SPANXN2: variants seen among roughly 807,000 people sequenced by gnomAD.
SPANXN2 encodes the protein SPANX family member N2.
A neutral mutation model predicts 2.0 loss-of-function variants in SPANXN2; 1 was observed. That is an observed-to-expected ratio of 0.50 (90% CI 0.18 to 2.36). SPANXN2 has a LOEUF of 2.36. Among genes scored for constraint, SPANXN2 ranks in the 30% most tolerant of loss-of-function variants. The pLI is 0.26. For missense variants in SPANXN2, 88 were observed against 116.7 expected, an observed-to-expected ratio of 0.75 and a Z score of 1.13; for synonymous variants, 43 against 49.8, an observed-to-expected ratio of 0.86 and a Z score of 0.58.
At chrX:143,717,992 T>C (rs1932298119) in intron 1 of SPANXN2, among the ~76,000 whole-genome samples, 1 of 111,943 alleles carries the variant, frequency 8.9e-6, no homozygotes, top group Non-Finnish European at 1.9e-5. Flanking sequence ...CCCTCTTGCA[T>C]CCAGTCAGAC....
chrX:143,720,056 A>G (rs1932336616), intron 1 of SPANXN2, among the ~76,000 whole-genome samples: 1 of 110,923 alleles, frequency 9.0e-6, no homozygotes, highest in African/African-American at 3.3e-5. Context: ...AACCCTGATT[A>G]CAGCTCCCCT....
At chrX:143,713,280 T>C (rs1328204006) in intron 1 of SPANXN2, among the ~76,000 whole-genome samples, 2 of 111,459 alleles carry the variant, frequency 1.8e-5, no homozygotes, top group African/African-American at 3.3e-5. Flanking sequence ...ATTCTCCTTA[T>C]TCTCTAGTCT....
Position 143,714,034 on chromosome X carries a change from ACACC to A in SPANXN2, c.79-1539_79-1536del, listed in dbSNP as rs1316004349. On this transcript the variant is annotated intron_variant, in intron 1 of 1. Coordinates refer to ENST00000598475, the Ensembl canonical transcript of SPANXN2. ...TCCTCTGAATTTCAACCTGGCCAAC[ACACC>A]CGTTCTTCAGCCTCCTGCCCTCTCC... 6.5e-5 allele frequency among the ~76,000 whole-genome samples: 7 copies of A among 107,799 alleles called. No homozygotes were observed. The Admixed American group carries it at 7.0e-4, about 11-fold the overall frequency. The allele number at this position is 107,799 out of a possible 115,157, so 93.6% of individuals were successfully genotyped here. A position where few individuals can be genotyped will look rare whatever the true frequency, so the allele number is the denominator to read the frequency against.
intron 1 of SPANXN2, 68 bp from the exon 2 acceptor site, chrX:143,712,567 A>G (rs1932184997): frequency 2.0e-6 from 2 of 1,017,877 alleles, no homozygotes; most frequent in African/African-American, 3.8e-5. Flanking sequence ...ACTGGATAGC[A>G]AGGGGGGCTT....
chrX:143,717,758 G>A (rs1467814487), intron 1 of SPANXN2, among the ~76,000 whole-genome samples: 1 of 111,818 alleles, frequency 8.9e-6, no homozygotes. Flanking sequence ...CCCTCAGGAA[G>A]CTATCAAACC....
At chrX:143,717,133 C>T (rs782812956) in intron 1 of SPANXN2, among the ~76,000 whole-genome samples, 1 of 112,278 alleles carries the variant, frequency 8.9e-6, no homozygotes, top group Non-Finnish European at 1.9e-5. Context: ...GCTCTCACAC[C>T]CCATGCTACC....
chrX:143,711,983 A>G (rs1214344680), exon 2 of SPANXN2: 15 of 1,207,727 alleles, frequency 1.2e-5, no homozygotes, highest in Non-Finnish European at 1.1e-5. Flanking sequence ...TTTTATTGTA[A>G]TCATCGCCAT....
intron 1 of SPANXN2, among the ~76,000 whole-genome samples, chrX:143,713,679 C>A (rs782773557): frequency 9.0e-6 from 1 of 111,307 alleles, no homozygotes; most frequent in African/African-American, 3.3e-5. Flanking sequence ...ATGGGGTATT[C>A]ACTTCTCTCT....
At chrX:143,718,667 T>C (rs1182745438) in intron 1 of SPANXN2, among the ~76,000 whole-genome samples, 1 of 111,765 alleles carries the variant, frequency 8.9e-6, no homozygotes, top group Non-Finnish European at 1.9e-5. Context: ...AACACCTTAG[T>C]CCATAACACT....
chrX:143,714,040 G>A (rs1353059706), intron 1 of SPANXN2, among the ~76,000 whole-genome samples: 2 of 108,205 alleles, frequency 1.8e-5, no homozygotes, highest in Admixed American at 2.0e-4. Flanking sequence ...CAACACACCC[G>A]TTCTTCAGCC....
At chrX:143,718,596 C>T (rs1556450315) in intron 1 of SPANXN2, among the ~76,000 whole-genome samples, 1 of 111,980 alleles carries the variant, frequency 8.9e-6, no homozygotes, top group Admixed American at 9.4e-5. Flanking sequence ...AAATTATTCT[C>T]CTTCCCTGAC....
intron 1 of SPANXN2, among the ~76,000 whole-genome samples, chrX:143,717,055 CTT>C (rs782685766): frequency 4.5e-5 from 5 of 112,271 alleles, no homozygotes; most frequent in African/African-American, 6.5e-5. Context: ...AATGGAACCT[CTT>C]TTAGGCAGCC....
Position 143,716,079 on chromosome X carries a change from C to G in SPANXN2, c.79-3580G>C, listed in dbSNP as rs1932257686. Among the ~76,000 whole-genome samples the G allele has an allele frequency of 2.7e-5, 3 of 111,106 alleles. No homozygotes were observed. In the Admixed American group the frequency reaches 2.9e-4, roughly 11 times the overall value. On this transcript the variant is annotated intron_variant, in intron 1 of 1. Transcript: ENST00000598475. ...TAGGCCCCACCTGTTCAGACAGGCCCTCATCAAGGACCTAGCTGAACTTCC... is the reference window on the plus strand; with the variant it reads ...TAGGCCCCACCTGTTCAGACAGGCCGTCATCAAGGACCTAGCTGAACTTCC...
intron 1 of SPANXN2, among the ~76,000 whole-genome samples, chrX:143,718,409 C>G (rs781860608): frequency 4.5e-5 from 5 of 111,244 alleles, no homozygotes; most frequent in South Asian, 7.6e-4. Flanking sequence ...CTACAACCAG[C>G]GGGCTGGGTC....
intron 1 of SPANXN2, among the ~76,000 whole-genome samples, chrX:143,719,466 C>G (rs1181817481): frequency 8.9e-6 from 1 of 112,061 alleles, no homozygotes; most frequent in African/African-American, 3.2e-5. Flanking sequence ...GAGGGGCTAC[C>G]CTTGCTGGCA....
In SPANXN2 at chrX:143,718,482, G is replaced by C. The variant is rs782437408; in HGVS notation, c.78+2109C>G. 1.2e-4 allele frequency among the ~76,000 whole-genome samples: 13 copies of C among 111,279 alleles called. 1 individual carries two copies. Among genetic ancestry groups the C allele is most frequent in the South Asian group, 7.6e-4 (2 of 2,645 alleles). ...AGTGGAGGAATTCTCACCAGGTGAT[G>C]CTAACTACTCCCACAGCGCCAAAGC... is the stretch of plus-strand genomic sequence containing the variant. On this transcript the variant is annotated intron_variant, in intron 1 of 1. Transcript: ENST00000598475.
rs782450461 is a variant in SPANXN2, at chrX:143,712,486, G to A, written c.92C>T (p.Pro31Leu). The A allele has an allele frequency of 1.2e-5, 15 of 1,208,810 alleles. No homozygotes were observed. The South Asian group carries it at 2.1e-4, about 17-fold the overall frequency. ...CTGTTTGGGGGCTAAGACCCTGTTC[G>A]GTGCCTCCTGCATCTGATAAGAAAA... Residue 31 changes from proline (P) to leucine (L), a missense_variant, in exon 2 of 2, where the codon CCG becomes CTG. This residue lies in a region of SPANXN2 where 59 missense variants were observed against 56.4 expected (regional missense o/e 1.05). Coordinates refer to ENST00000598475, the Ensembl canonical transcript of SPANXN2.
chrX:143,715,787 T>C (rs1441002776), intron 1 of SPANXN2, among the ~76,000 whole-genome samples: 5 of 109,867 alleles, frequency 4.6e-5, no homozygotes, highest in African/African-American at 1.3e-4. Flanking sequence ...CCCCTTTGTC[T>C]AGGATCTCCA....
intron 1 of SPANXN2, among the ~76,000 whole-genome samples, chrX:143,719,644 C>A (rs1259844260): frequency 1.8e-5 from 2 of 112,011 alleles, no homozygotes; most frequent in Middle Eastern, 4.6e-3. Flanking sequence ...GCCAATTGGT[C>A]AGGAACATGC....
Sources: gnomAD v4.1 joint callset for allele counts (sites outside exome capture counted in the v4.1 genomes callset) on GRCh38, gnomAD v4.1.1 for gene constraint, gnomAD v4.1.1 regional missense constraint, MANE v1.5 for transcripts, NCBI Gene and HGNC (gene_info 2026-07-23, HGNC 2026-07-21) for gene names.